PTPN5: variants seen among roughly 807,000 people sequenced by gnomAD.
PTPN5 encodes the protein protein tyrosine phosphatase non-receptor type 5, also known as tyrosine-protein phosphatase non-receptor type 5.
PTPN5 carries 29 observed loss-of-function variants against 73.9 expected under a neutral mutation model. The ratio of observed to expected loss-of-function variants is 0.39; its 90% CI spans 0.29 to 0.54. The LOEUF (loss-of-function observed/expected upper bound fraction) is 0.54. Ranked by LOEUF, PTPN5 falls within the 20% of genes least tolerant of loss-of-function variation. The pLI, the probability that PTPN5 is intolerant of heterozygous loss-of-function variation, is 0.65. For synonymous variants in PTPN5, 267 were observed against 304.7 expected (o/e 0.88, Z 1.29); for missense variants, 652 against 751.4 (o/e 0.87, Z 1.55).
rs187602862 is a variant in PTPN5 at position 18,733,458 on chromosome 11, G to T, written c.1081-86C>A. 6.2e-7 allele frequency: 1 copy of T among 1,610,318 alleles called. No individual in the cohort carries two copies. Among genetic ancestry groups the T allele is most frequent in the African/African-American group, 1.3e-5 (1 of 74,896 alleles). On this transcript the variant is annotated intron_variant, in intron 10 of 14. Transcript: ENST00000358540. This position sits in a 1 kb window ranked among gnomAD's most constrained non-coding sequence, Gnocchi z 4.3. ...CACACTCAGGCTCTTCACAGGAGCT[G>T]GCAGGAGCCAGACTGGTGTAGGGAC...
Position 18,733,004 on chromosome 11 carries a change from T to C in PTPN5, c.1218+231A>G, listed in dbSNP as rs1197866794. On this transcript the variant is annotated intron_variant, in intron 11 of 14. Coordinates refer to ENST00000358540, the MANE Select transcript of PTPN5 (RefSeq NM_006906.2). The surrounding 1 kb of genome is among the most constrained non-coding windows in gnomAD (Gnocchi z 4.3). ...GGCAGGCTGGGAGGCAGCAGAGTGC[T>C]GTGTTTAAGGTCACGGGCACTGGAA... 6.6e-6 allele frequency among the ~76,000 whole-genome samples: 1 copy of C among 152,172 alleles called. No homozygotes were observed. Among genetic ancestry groups the C allele is most frequent in the East Asian group, 1.9e-4 (1 of 5,188 alleles).
At chr11:18,787,828 C>T (rs1851738733) in intron 1 of PTPN5, among the ~76,000 whole-genome samples, 1 of 152,262 alleles carries the variant, frequency 6.6e-6, no homozygotes, top group South Asian at 2.1e-4. Context: ...GCAGGAAGTT[C>T]GTCTTTTTAG....
At position 18,733,732 on chromosome 11, in the gene PTPN5, G is replaced by A. The variant is rs539315181; in HGVS notation, c.1001-97C>T. ...TCCAGCATACCCACACTTCTTCTGC[G>A]ACATTAGCAGTTCTTCCTTCCCTTG... is the stretch of plus-strand genomic sequence containing the variant. On this transcript the variant is annotated intron_variant, in intron 9 of 14. Coordinates refer to ENST00000358540, the MANE Select transcript of PTPN5 (RefSeq NM_006906.2). The surrounding 1 kb of genome is among the most constrained non-coding windows in gnomAD (Gnocchi z 4.3). The A allele has an allele frequency of 1.5e-5, 16 of 1,041,560 alleles. No individual in the cohort carries two copies. The highest frequency in any genetic ancestry group is 2.2e-4 in the Middle Eastern group (1 of 4,542). 64.5% of individuals were successfully genotyped at this position (1,041,560 alleles called of 1,614,324 possible). A position where few individuals can be genotyped will look rare whatever the true frequency, so the allele number is the denominator to read the frequency against.
rs377616381 is a variant in PTPN5 at position 18,728,929 on chromosome 11, C to T, written c.*5G>A. On this transcript the variant is annotated 3_prime_UTR_variant, in exon 15 of 15. Transcript: ENST00000358540. The surrounding 1 kb of genome is among the most constrained non-coding windows in gnomAD (Gnocchi z 4.1). ...TGCCCAGAGAACCTTGTAGGAGAAG[C>T]GCAGTCATTCTGGGGACTGGTGGGA... 11 of 1,611,750 alleles carry T rather than the reference C, an allele frequency of 6.8e-6. No individual in the cohort carries two copies. The highest frequency in any genetic ancestry group is 4.4e-5 in the South Asian group (4 of 90,698).
chr11:18,785,098 C>G (rs2134368095), intron 1 of PTPN5, among the ~76,000 whole-genome samples: 1 of 152,246 alleles, frequency 6.6e-6, no homozygotes, highest in Admixed American at 6.5e-5. Flanking sequence ...AAATGATCCC[C>G]TGCCTCAGCC....
At position 18,740,643 on chromosome 11, in the gene PTPN5, T is replaced by C; in HGVS notation, c.875A>G (p.Glu292Gly). ...CAGCAGGAAAGGGTCCAGGGCCTTT[T>C]CATGAAGCTCTTCTGCTTGGAGGAC... ...SRVLQAEELHEKALDPFLLQA... is the reference protein window; with the variant it reads ...SRVLQAEELHGKALDPFLLQA... Residue 292 changes from glutamate to glycine, a missense_variant, in exon 8 of 15, where the codon GAA becomes GGA. By Grantham distance (98) the Glu-to-Gly change is moderately conservative. Around this residue, in one of 3 missense-constraint regions of PTPN5, gnomAD observed 529 missense variants for 573.9 expected, o/e 0.92. Transcript: ENST00000358540. 1.3e-6 allele frequency: 2 copies of C among 1,595,678 alleles called. No individual in the cohort carries two copies. The highest frequency in any genetic ancestry group is 1.7e-6 in the Non-Finnish European group (2 of 1,171,670).
In PTPN5 at chr11:18,729,016, A is replaced by G; in HGVS notation, c.1616T>C (p.Ile539Thr). 1 of 1,613,700 alleles carries G rather than the reference A, an allele frequency of 6.2e-7. No homozygotes were observed. The highest frequency in any genetic ancestry group is 8.5e-7 in the Non-Finnish European group (1 of 1,179,892). Residue 539 changes from isoleucine (I) to threonine (T), a missense_variant, in exon 15 of 15, where the codon ATC becomes ACC. Transcript: ENST00000358540. The surrounding 1 kb of genome is among the most constrained non-coding windows in gnomAD (Gnocchi z 5.2). ...AAACTGGTACTGCTCGCATGTCTGG[A>G]TCATGCCGCCCCTGCCCGGCAGAGA... The part of the protein sequence containing the change: ...CQLRQDRGGM[I>T]QTCEQYQFVH...
Position 18,743,012 on chromosome 11 carries a change from G to A in PTPN5, c.463C>T (p.Leu155=), listed in dbSNP as rs182488108. ...SLLLVFLSVG[L]VLVTTLVWHL... ...CTTACCAGGGTGGTAACGAGGACCA[G>A]GCCCACGGACAGAAAGACCAGCAGC... The change falls in exon 6 of 15, where the codon CTG becomes TTG. Residue 155 remains leucine, a synonymous_variant. Transcript: ENST00000358540. 1 of 1,551,666 alleles carries A rather than the reference G, an allele frequency of 6.4e-7. No homozygotes were observed. The highest frequency in any genetic ancestry group is 2.0e-5 in the Admixed American group (1 of 51,026).
chr11:18,770,328 G>A (rs752803304), intron 2 of PTPN5, among the ~76,000 whole-genome samples: 6 of 152,066 alleles, frequency 3.9e-5, no homozygotes, highest in Non-Finnish European at 7.4e-5. Context: ...CCCTGGCAAC[G>A]GCTTATTTGC....
chr11:18,734,516 G>C (rs1417726262), intron 9 of PTPN5, among the ~76,000 whole-genome samples: 2 of 152,040 alleles, frequency 1.3e-5, no homozygotes, highest in Non-Finnish European at 2.9e-5. Context: ...GTTTATTTTG[G>C]TAGAGATGAG....
chr11:18,769,122 C>T (rs981157854), intron 2 of PTPN5, among the ~76,000 whole-genome samples: 9 of 152,206 alleles, frequency 5.9e-5, no homozygotes, highest in African/African-American at 2.2e-4. Context: ...AGTAGCTTCC[C>T]AAAGCCATCG....
At chr11:18,744,322 C>T (rs796411163) in intron 3 of PTPN5, 123 bp from the exon 4 acceptor site, 11 of 730,672 alleles carry the variant, frequency 1.5e-5, no homozygotes, top group African/African-American at 1.5e-4. Flanking sequence ...GGCTCCACTT[C>T]CAGCAGTCAC....
At chr11:18,789,715 G>A (rs943103992) in intron 1 of PTPN5, among the ~76,000 whole-genome samples, 1 of 152,180 alleles carries the variant, frequency 6.6e-6, no homozygotes, top group Non-Finnish European at 1.5e-5. Context: ...AACATTGTAT[G>A]TTCTCACTCA....
At position 18,733,366 on chromosome 11, in the gene PTPN5, C is replaced by T; in HGVS notation, c.1087G>A (p.Gly363Ser). ...GCGATGTACACCTTCTCCTCCCCACCATAGCCCTGCGGCCAGCCAAGTCCA... is the reference window on the plus strand; with the variant it reads ...GCGATGTACACCTTCTCCTCCCCACTATAGCCCTGCGGCCAGCCAAGTCCA... Reference protein sequence around the residue: ...YINANYIRGYGGEEKVYIATQ... With the variant: ...YINANYIRGYSGEEKVYIATQ... The change falls in exon 11 of 15, where the codon GGT (glycine) becomes AGT (serine). Residue 363 changes from glycine (G) to serine (S), a missense_variant. Around this residue, in one of 3 missense-constraint regions of PTPN5, gnomAD observed 529 missense variants for 573.9 expected, o/e 0.92. Transcript: ENST00000358540. The surrounding 1 kb of genome is among the most constrained non-coding windows in gnomAD (Gnocchi z 4.3). 1 of 1,613,528 alleles carries T rather than the reference C, an allele frequency of 6.2e-7. No individual in the cohort carries two copies. Among genetic ancestry groups the T allele is most frequent in the Non-Finnish European group, 8.5e-7 (1 of 1,179,528 alleles).
intron 1 of PTPN5, among the ~76,000 whole-genome samples, chr11:18,775,290 T>C (rs998505439): frequency 6.6e-6 from 1 of 152,272 alleles, no homozygotes; most frequent in Non-Finnish European, 1.5e-5. Flanking sequence ...TCATGGCAGT[T>C]GCTTTCTATA....
Position 18,729,936 on chromosome 11 carries a change from G to A in PTPN5, c.1330-118C>T, listed in dbSNP as rs576409271. ...AACACAGGAAGAACACTGAGAGTGG[G>A]ACCCCTTCACCCTTCCATCTAGGCC... On this transcript the variant is annotated intron_variant, in intron 12 of 14. Transcript: ENST00000358540. The surrounding 1 kb of genome is among the most constrained non-coding windows in gnomAD (Gnocchi z 5.2). 16 of 1,354,486 alleles carry A rather than the reference G, an allele frequency of 1.2e-5. No homozygotes were observed. The South Asian group carries it at 1.8e-4, about 16-fold the overall frequency. 83.9% of individuals were successfully genotyped at this position (1,354,486 alleles called of 1,614,324 possible).
At chr11:18,765,489 G>A (rs1850601177) in intron 3 of PTPN5, among the ~76,000 whole-genome samples, 1 of 152,090 alleles carries the variant, frequency 6.6e-6, no homozygotes, top group East Asian at 1.9e-4. Context: ...AGTCAGCCCA[G>A]CCCTGAATGG....
intron 1 of PTPN5, among the ~76,000 whole-genome samples, chr11:18,775,154 T>TAAG: frequency 6.6e-6 from 1 of 152,354 alleles, no homozygotes. Context: ...TAAAGTGACC[T>TAAG]GCCTAAGGCC....
intron 3 of PTPN5, among the ~76,000 whole-genome samples, chr11:18,760,438 C>T (rs776108288): frequency 1.1e-4 from 16 of 152,100 alleles, no homozygotes; most frequent in South Asian, 4.1e-4. Flanking sequence ...GTCCTTGGCC[C>T]GAAGGAAGGG....
Sources: gnomAD v4.1 joint callset for allele counts (sites outside exome capture counted in the v4.1 genomes callset) on GRCh38, gnomAD v4.1.1 for gene constraint, gnomAD v4.1.1 regional missense constraint, Gnocchi (gnomAD v3.1) non-coding constraint, MANE v1.5 for transcripts, NCBI Gene and HGNC (gene_info 2026-07-23, HGNC 2026-07-21) for gene names.